The following UNC45B variants were observed in gnomAD, a reference collection of about 807,000 sequenced individuals.
The protein encoded by UNC45B is unc-45 myosin chaperone B.
Under a neutral mutation model 98.7 loss-of-function variants are expected in UNC45B, and 78 were observed. The observed-to-expected ratio is 0.79, with a 90% CI of 0.66 to 0.95. The LOEUF (loss-of-function observed/expected upper bound fraction) is 0.95. UNC45B is among the 40% of genes least tolerant of loss of function. The probability of loss-of-function intolerance (pLI) is 0.00; values close to 1 mark genes in which losing one functional copy is unlikely to be tolerated. For synonymous variants in UNC45B, 462 were observed against 480.4 expected (o/e 0.96, Z 0.50); for missense variants, 1,225 against 1,184.9 (o/e 1.03, Z -0.50).
Position 35,154,752 on chromosome 17 carries a change from G to A in UNC45B, c.639+11G>A, listed in dbSNP as rs756107422. 4 of 1,567,590 alleles carry A rather than the reference G, an allele frequency of 2.6e-6. No homozygotes were observed. The highest frequency in any genetic ancestry group is 2.3e-5 in the East Asian group (1 of 43,164). On this transcript the variant is annotated intron_variant, in intron 6 of 19. Transcript: ENST00000394570. ...GGCCACCAAGCCAGAGTAAGTGCCC[G>A]GCTGTGGGGCATGTGGAGCAGACGA...
At position 35,170,260 on chromosome 17, in the gene UNC45B, G is replaced by A. The variant is rs758261566; in HGVS notation, c.1689+5G>A. The stretch of plus-strand genomic sequence containing the variant: ...GCCATGTTTGAGCTGGCCAAGGCAG[G>A]TGTCGGGGAGTCTGGCCCGACCACA... On this transcript the variant is annotated splice_donor_5th_base_variant and intron_variant, in intron 12 of 19. Transcript: ENST00000394570. The A allele has an allele frequency of 3.8e-6, 6 of 1,599,782 alleles. No homozygotes were observed. The South Asian group carries it at 4.4e-5, about 12-fold the overall frequency.
chr17:35,154,678 G>A lies in UNC45B; in HGVS notation c.576G>A (p.Lys192=). The change falls in exon 6 of 20, where the codon AAG becomes AAA. Residue 192 remains lysine (K), a synonymous_variant. Transcript: ENST00000394570. Reference sequence around the variant, plus strand: ...TACTGCAGCTTCTGGACACTAAGAAGCCTGAGCTGGTGCTGGCTGCAGTGC... The same window carrying A: ...TACTGCAGCTTCTGGACACTAAGAAACCTGAGCTGGTGCTGGCTGCAGTGC... The part of the protein sequence containing the change: ...ALLLQLLDTK[K]PELVLAAVRT... 3 of 1,612,390 alleles carry A rather than the reference G, an allele frequency of 1.9e-6. No homozygotes were observed. Among genetic ancestry groups the A allele is most frequent in the Non-Finnish European group, 2.5e-6 (3 of 1,179,626 alleles).
At chr17:35,154,855 AGG>A in intron 6 of UNC45B, 114 bp downstream of exon 6, 1 of 1,161,074 alleles carries the variant, frequency 8.6e-7, no homozygotes, top group Non-Finnish European at 1.1e-6. Context: ...AAAAAGTCAA[AGG>A]GTGCTCCAGT....
At chr17:35,182,826 G>A (rs2092282108) in intron 18 of UNC45B, among the ~76,000 whole-genome samples, 1 of 152,040 alleles carries the variant, frequency 6.6e-6, no homozygotes, top group Non-Finnish European at 1.5e-5. Context: ...TGACCACCTA[G>A]ATTTTACAGT....
Position 35,170,268 on chromosome 17 carries a change from G to T in UNC45B, c.1689+13G>T. The T allele has an allele frequency of 1.3e-6, 2 of 1,593,608 alleles. No homozygotes were observed. The highest frequency in any genetic ancestry group is 1.7e-6 in the Non-Finnish European group (2 of 1,166,588). ...TGAGCTGGCCAAGGCAGGTGTCGGG[G>T]AGTCTGGCCCGACCACAAACCTCAG... On this transcript the variant is annotated intron_variant, in intron 12 of 19. Transcript: ENST00000394570.
chr17:35,166,100 A>AAAAAAAAAAAAAAAAAAAAAAAAAAAG (rs2092138166), intron 9 of UNC45B, among the ~76,000 whole-genome samples: 1 of 148,058 alleles, frequency 6.8e-6, no homozygotes, highest in Non-Finnish European at 1.5e-5. Context: ...AAAAAAAAAA[A>AAAAAAAAAAAAAAAAAAAAAAAAAAAG]AAAAAAAAAA....
chr17:35,159,071 T>A (rs1465838044), intron 7 of UNC45B, among the ~76,000 whole-genome samples: 2 of 152,208 alleles, frequency 1.3e-5, no homozygotes, highest in Non-Finnish European at 2.9e-5. Context: ...AAAGCATCCC[T>A]GGATCTCTGC....
At chr17:35,150,018 A>G in intron 3 of UNC45B, 30 bp from the exon 4 acceptor site, 1 of 1,559,426 alleles carries the variant, frequency 6.4e-7, no homozygotes, top group Non-Finnish European at 8.7e-7. Context: ...TGGCTCCCTA[A>G]GGTCCTCATC....
At chr17:35,147,949 G>T in intron 1 of UNC45B, 39 bp downstream of exon 1, 1 of 330,814 alleles carries the variant, frequency 3.0e-6, no homozygotes, top group Non-Finnish European at 5.7e-6. Flanking sequence ...ACTGGGGAGG[G>T]AGACGGCAAA....
At chr17:35,157,604 C>T (rs2142541910) in intron 7 of UNC45B, among the ~76,000 whole-genome samples, 1 of 152,288 alleles carries the variant, frequency 6.6e-6, no homozygotes, top group East Asian at 1.9e-4. Context: ...TCTCTAATTC[C>T]TTTCTGAGAG....
intron 14 of UNC45B, among the ~76,000 whole-genome samples, 180 bp downstream of exon 14, chr17:35,174,549 G>A (rs879588924): frequency 6.6e-6 from 1 of 152,212 alleles, no homozygotes; most frequent in Non-Finnish European, 1.5e-5. Flanking sequence ...ACCAGGGGTG[G>A]TGGCTCATGC....
intron 16 of UNC45B, 86 bp from the exon 17 acceptor site, chr17:35,177,409 A>T: frequency 1.0e-6 from 1 of 957,948 alleles, no homozygotes. Flanking sequence ...AGTGCTTTGG[A>T]AACTTTACAG....
At chr17:35,170,529 T>TAA (rs35208483) in intron 12 of UNC45B, among the ~76,000 whole-genome samples, 22 of 70,098 alleles carry the variant, frequency 3.1e-4, no homozygotes, top group Middle Eastern at 6.3e-3. Context: ...CTGAGGCAGC[T>TAA]AAAAAAAAAA....
At chr17:35,148,864 C>A in intron 2 of UNC45B, 109 bp from the exon 3 acceptor site, 1 of 1,368,724 alleles carries the variant, frequency 7.3e-7, no homozygotes, top group Non-Finnish European at 1.0e-6. Flanking sequence ...CCTCTGACAG[C>A]CTGCAGCTCC....
intron 9 of UNC45B, 146 bp from the exon 10 acceptor site, chr17:35,167,915 C>A: frequency 1.6e-6 from 1 of 616,762 alleles, no homozygotes; most frequent in Non-Finnish European, 2.4e-6. Flanking sequence ...AGCTGAGGCT[C>A]AGAGAGGTTC....
intron 19 of UNC45B, among the ~76,000 whole-genome samples, chr17:35,185,398 C>T (rs1405545889): frequency 6.6e-6 from 1 of 152,084 alleles, no homozygotes; most frequent in Admixed American, 6.6e-5. Flanking sequence ...ACTTCCACCT[C>T]CTGGGTTCAA....
In UNC45B at chr17:35,148,893, CA is replaced by C. The variant is rs1277340137; in HGVS notation, c.169-79del. ...CAGCTCCCCCAGGAAACCCTCTCCCCACACTGTGGGGACACTCTCTGGCCAT... is the reference window on the plus strand; with the variant it reads ...CAGCTCCCCCAGGAAACCCTCTCCCCCACTGTGGGGACACTCTCTGGCCAT... On this transcript the variant is annotated intron_variant, in intron 2 of 19. Coordinates refer to ENST00000394570, the MANE Select transcript of UNC45B (RefSeq NM_001267052.2). 3.9e-5 allele frequency: 62 copies of C among 1,576,422 alleles called. 1 individual carries two copies. The South Asian group carries it at 6.0e-4, about 15-fold the overall frequency.
rs758625563 is a variant in UNC45B at position 35,174,249 on chromosome 17, A to G, written c.1838A>G (p.Lys613Arg). 6 of 1,614,038 alleles carry G rather than the reference A, an allele frequency of 3.7e-6. No individual in the cohort carries two copies. The East Asian group carries it at 1.3e-4, about 36-fold the overall frequency. ...ATCTTTTCATCTCCTCAGGACAAGA[A>G]GGACTTTATAGACATGCGGGTGAAG... is the stretch of plus-strand genomic sequence containing the variant. ...HVPEEHPKDKKDFIDMRVKRL... is the reference protein window; with the variant it reads ...HVPEEHPKDKRDFIDMRVKRL... The change falls in exon 14 of 20, where the codon AAG (lysine) becomes AGG (arginine). Residue 613 changes from lysine (K) to arginine (R), a missense_variant. Lys to Arg is a conservative substitution (Grantham distance 26). Coordinates refer to ENST00000394570, the MANE Select transcript of UNC45B (RefSeq NM_001267052.2).
At chr17:35,173,843 C>G (rs1394913779) in intron 13 of UNC45B, among the ~76,000 whole-genome samples, 1 of 145,736 alleles carries the variant, frequency 6.9e-6, no homozygotes, top group Admixed American at 7.1e-5. Flanking sequence ...TACAGAGTCT[C>G]GCTGTGTCGC....
Sources: gnomAD v4.1 joint callset for allele counts (sites outside exome capture counted in the v4.1 genomes callset) on GRCh38, gnomAD v4.1.1 for gene constraint, MANE v1.5 for transcripts, NCBI Gene and HGNC (gene_info 2026-07-23, HGNC 2026-07-21) for gene names.